POM121C: variants seen among roughly 807,000 people sequenced by gnomAD.
The protein encoded by POM121C is nuclear envelope pore membrane protein POM 121C.
POM121C carries 20 observed loss-of-function variants against 66.4 expected under a neutral mutation model. That is an observed-to-expected ratio of 0.30 (90% CI 0.21 to 0.44). The LOEUF is 0.44. POM121C is among the 20% of genes least tolerant of loss of function. The pLI is 1.00. For synonymous variants in POM121C, 286 were observed against 528.0 expected (o/e 0.54, Z 6.28); for missense variants, 580 against 1,225.7 (o/e 0.47, Z 7.87).
intron 7 of POM121C, among the ~76,000 whole-genome samples, chr7:75,432,826 T>C (rs1790236807): frequency 6.6e-6 from 1 of 152,126 alleles, no homozygotes; most frequent in Non-Finnish European, 1.5e-5. Context: ...ATGTTAACAA[T>C]GGGTACCTAC....
Position 75,474,795 on chromosome 7 carries a change from A to G in POM121C, c.-243T>C, listed in dbSNP as rs1554479134. On this transcript the variant is annotated 5_prime_UTR_variant, in exon 3 of 15. The change abolishes an upstream ATG in the 5' untranslated region. Coordinates refer to ENST00000615331, the MANE Select transcript of POM121C (RefSeq NM_001099415.3). Reference sequence around the variant, plus strand: ...TGATGACGTTTGGCTTGGTGATATCATATCTTGTTAATGGGAAAAGAAGAA... The same window carrying G: ...TGATGACGTTTGGCTTGGTGATATCGTATCTTGTTAATGGGAAAAGAAGAA... 3.5e-5 allele frequency: 45 copies of G among 1,302,840 alleles called. No homozygotes were observed. Among genetic ancestry groups the G allele is most frequent in the Non-Finnish European group, 7.6e-6 (7 of 915,660 alleles). 80.7% of individuals were successfully genotyped at this position (1,302,840 alleles called of 1,614,324 possible).
chr7:75,482,013 G>A (rs1232654258), intron 1 of POM121C, among the ~76,000 whole-genome samples: 4 of 151,782 alleles, frequency 2.6e-5, no homozygotes, highest in African/African-American at 4.8e-5. Flanking sequence ...TGCCACGTAT[G>A]GTATAGTTGT....
intron 3 of POM121C, among the ~76,000 whole-genome samples, chr7:75,470,127 G>A (rs587636285): frequency 8.0e-5 from 12 of 149,648 alleles, no homozygotes; most frequent in Admixed American, 4.1e-4. Context: ...TGTTACCCAG[G>A]CTGGTCTCGA....
chr7:75,432,379 A>G (rs1554472464), intron 7 of POM121C, among the ~76,000 whole-genome samples: 1 of 152,236 alleles, frequency 6.6e-6, no homozygotes, highest in Non-Finnish European at 1.5e-5. Flanking sequence ...CAGTATATAC[A>G]TCAATGACAA....
chr7:75,426,797 CAAAAAAAAAA>C (rs543569250), intron 7 of POM121C, among the ~76,000 whole-genome samples: 1 of 61,082 alleles, frequency 1.6e-5, no homozygotes, highest in African/African-American at 5.8e-5. Context: ...GACCCTGTCT[CAAAAAAAAAA>C]AAAAAAAAAA....
At chr7:75,482,846 T>C (rs1792361532) in intron 1 of POM121C, among the ~76,000 whole-genome samples, 2 of 152,192 alleles carry the variant, frequency 1.3e-5, no homozygotes, top group African/African-American at 2.4e-5. Flanking sequence ...CAAAGGGTAC[T>C]GTGAGGAAGG....
intron 3 of POM121C, among the ~76,000 whole-genome samples, chr7:75,466,694 T>A (rs1278103241): frequency 2.0e-5 from 3 of 151,510 alleles, no homozygotes; most frequent in Non-Finnish European, 4.4e-5. Context: ...AAACCAAATG[T>A]TGGCTCTTCG....
At chr7:75,462,095 G>C (rs1339199244) in intron 3 of POM121C, among the ~76,000 whole-genome samples, 1 of 146,910 alleles carries the variant, frequency 6.8e-6, no homozygotes, top group African/African-American at 2.6e-5. Context: ...TTGTCCCCAA[G>C]CACATCTCAT....
chr7:75,474,367 C>T (rs1372606507), intron 3 of POM121C, among the ~76,000 whole-genome samples: 5 of 152,128 alleles, frequency 3.3e-5, no homozygotes, highest in African/African-American at 1.2e-4. Flanking sequence ...GCACATCAGC[C>T]TGGGTGACAG....
intron 3 of POM121C, among the ~76,000 whole-genome samples, chr7:75,464,962 T>G (rs1415120511): frequency 1.3e-5 from 2 of 149,084 alleles, no homozygotes; most frequent in Non-Finnish European, 3.0e-5. Flanking sequence ...ATTGAACACA[T>G]GAAGACAGGT....
In POM121C at chr7:75,446,736, G is replaced by A. The variant is rs587646249; in HGVS notation, c.-151-5089C>T. ...TATAGGAATAAAAAATTGGCTGGGC[G>A]CGGTGGCTCACGCCTGTAATCCCAG... On this transcript the variant is annotated intron_variant, in intron 3 of 14. Coordinates refer to ENST00000615331, the MANE Select transcript of POM121C (RefSeq NM_001099415.3). Among the ~76,000 whole-genome samples, 8 of 152,192 alleles carry A rather than the reference G, an allele frequency of 5.3e-5. No homozygotes were observed. In the East Asian group the frequency reaches 9.7e-4, roughly 18 times the overall value.
In POM121C at chr7:75,421,940, G is replaced by T. The variant is rs782752243; in HGVS notation, c.2312C>A (p.Thr771Lys). The change falls in exon 13 of 15, where the codon ACG becomes AAG. Residue 771 changes from threonine (T) to lysine (K), a missense_variant. Transcript: ENST00000615331. ...TPIQPTFGGA[T>K]HSAFGLKATA... is the part of the protein sequence containing the mutation. ...GGCTTTCAATCCAAACGCCGAGTGCGTGGCACCGCCAAAGGTAGGCTGGAT... is the reference window on the plus strand; with the variant it reads ...GGCTTTCAATCCAAACGCCGAGTGCTTGGCACCGCCAAAGGTAGGCTGGAT... The T allele has an allele frequency of 6.2e-7, 1 of 1,613,296 alleles. No individual in the cohort carries two copies. Among genetic ancestry groups the T allele is most frequent in the Admixed American group, 1.7e-5 (1 of 60,000 alleles).
rs1413189592 is a variant in POM121C, at chr7:75,485,937, G to A, written c.-531C>T. ...GCGGGCTGCTGTCGCTGGCGCGCGC[G>A]TCTGCTCGCGAGGTCCCCTCCTGTC... On this transcript the variant is annotated 5_prime_UTR_variant, in exon 1 of 15. In the 5' UTR this introduces an upstream ATG that the reference lacks. Transcript: ENST00000615331. The A allele has an allele frequency of 1.0e-5, 5 of 497,636 alleles. 1 individual carries two copies. The highest frequency in any genetic ancestry group is 7.2e-5 in the South Asian group (5 of 68,984). The allele number at this position is 497,636 out of a possible 1,614,324, so 30.8% of individuals were successfully genotyped here.
intron 3 of POM121C, among the ~76,000 whole-genome samples, chr7:75,471,799 C>T (rs17207196): frequency 0.36 from 54,639 of 152,106 alleles, 12,606 homozygotes; most frequent in East Asian, 0.89. Context: ...CGACACACAA[C>T]GCACAACGCT....
intron 3 of POM121C, among the ~76,000 whole-genome samples, chr7:75,462,765 T>C (rs1408207734): frequency 1.3e-5 from 2 of 151,822 alleles, no homozygotes; most frequent in East Asian, 3.9e-4. Flanking sequence ...ATGCATACCC[T>C]GCTGATGCCT....
chr7:75,458,481 C>A (rs2116471796), intron 3 of POM121C, among the ~76,000 whole-genome samples: 1 of 151,596 alleles, frequency 6.6e-6, no homozygotes, highest in Admixed American at 6.6e-5. Context: ...TGAGCTATGA[C>A]TGGGCCATTG....
intron 4 of POM121C, 123 bp downstream of exon 4, chr7:75,441,309 C>T: frequency 7.3e-7 from 1 of 1,373,160 alleles, no homozygotes; most frequent in Non-Finnish European, 9.9e-7. Context: ...TTTGGTATTT[C>T]TCATTCAAAC....
At chr7:75,452,217 G>C (rs587652317) in intron 3 of POM121C, among the ~76,000 whole-genome samples, 11,369 of 151,678 alleles carry the variant, frequency 0.075, 1,388 homozygotes, top group African/African-American at 0.26. Context: ...CAGTGCTTTG[G>C]GAGGCCAAGG....
intron 3 of POM121C, among the ~76,000 whole-genome samples, chr7:75,452,113 G>A (rs1284818841): frequency 6.6e-6 from 1 of 152,206 alleles, no homozygotes; most frequent in Non-Finnish European, 1.5e-5. Flanking sequence ...GTAGTAGGCC[G>A]AGATCGCGCT....
Sources: allele counts gnomAD v4.1 joint callset (sites outside exome capture counted in the v4.1 genomes callset), GRCh38; gene constraint gnomAD v4.1.1; transcripts MANE v1.5; gene names NCBI Gene and HGNC (gene_info 2026-07-23, HGNC 2026-07-21).